Variants in TMEM132D observed in about 807,000 individuals in gnomAD.
TMEM132D encodes the protein mature OL transmembrane protein.
In TMEM132D, 21 loss-of-function variants were observed where a neutral mutation model predicts 62.3. That is an observed-to-expected ratio of 0.34 (90% confidence interval 0.24 to 0.49). The LOEUF (loss-of-function observed/expected upper bound fraction) is 0.49. Among genes scored for constraint, TMEM132D ranks in the 20% least tolerant of loss-of-function variants. The probability of loss-of-function intolerance (pLI) is 0.99; values close to 1 mark genes in which losing one functional copy is unlikely to be tolerated. For missense variants in TMEM132D, 1,346 were observed against 1,402.8 expected, an observed-to-expected ratio of 0.96 and a Z score of 0.65; for synonymous variants, 621 against 575.6, an observed-to-expected ratio of 1.08 and a Z score of -1.13.
intron 1 of TMEM132D, among the ~76,000 whole-genome samples, chr12:129,730,073 C>A (rs1313027873): frequency 6.6e-6 from 1 of 152,196 alleles, no homozygotes; most frequent in African/African-American, 2.4e-5. Flanking sequence ...CCCACTTGCA[C>A]CCAAGTGAAT....
At chr12:129,613,905 G>C (rs1041723687) in intron 2 of TMEM132D, among the ~76,000 whole-genome samples, 28 of 151,950 alleles carry the variant, frequency 1.8e-4, no homozygotes, top group Admixed American at 5.2e-4. Context: ...CCAGGAGACT[G>C]GCTCCAGAAC....
chr12:129,288,857 A>C (rs907478023), intron 4 of TMEM132D, among the ~76,000 whole-genome samples: 3 of 152,244 alleles, frequency 2.0e-5, no homozygotes, highest in African/African-American at 7.2e-5. Context: ...GAGTAGATGA[A>C]GAAAGATTAG....
intron 3 of TMEM132D, among the ~76,000 whole-genome samples, chr12:129,520,589 T>C (rs1371027047): frequency 7.1e-6 from 1 of 141,748 alleles, no homozygotes; most frequent in Non-Finnish European, 1.6e-5. Flanking sequence ...CGATAAATAT[T>C]GTGAAAAGAT....
chr12:129,293,687 C>A (rs926551446), intron 4 of TMEM132D, among the ~76,000 whole-genome samples: 3 of 152,160 alleles, frequency 2.0e-5, no homozygotes, highest in African/African-American at 7.2e-5. Flanking sequence ...AGCGTGCAAC[C>A]TAGATCCCTC....
intron 1 of TMEM132D, among the ~76,000 whole-genome samples, chr12:129,730,836 T>C (rs1869210603): frequency 6.6e-6 from 1 of 151,876 alleles, no homozygotes; most frequent in Non-Finnish European, 1.5e-5. Context: ...AACATCAGAC[T>C]CCAAGTTCTT....
intron 5 of TMEM132D, among the ~76,000 whole-genome samples, chr12:129,107,487 G>T (rs1485705103): frequency 6.6e-6 from 1 of 152,242 alleles, no homozygotes; most frequent in Non-Finnish European, 1.5e-5. Context: ...CAGATTGAAT[G>T]CAGGTTGACA....
chr12:129,769,464 C>T (rs1870657963), intron 1 of TMEM132D, among the ~76,000 whole-genome samples: 1 of 152,190 alleles, frequency 6.6e-6, no homozygotes, highest in African/African-American at 2.4e-5. Context: ...CCTGGTCCCT[C>T]TCATGACACG....
At chr12:129,578,408 A>ATGTGTGTGTGTGTGTG (rs143488724) in intron 2 of TMEM132D, among the ~76,000 whole-genome samples, 2,071 of 144,720 alleles carry the variant, frequency 0.014, 26 homozygotes, top group African/African-American at 0.031. Flanking sequence ...TAATACAATT[A>ATGTGTGTGTGTGTGTG]TGTGTGTGTG....
intron 5 of TMEM132D, among the ~76,000 whole-genome samples, chr12:129,125,466 G>A (rs953890669): frequency 6.9e-6 from 1 of 145,100 alleles, no homozygotes; most frequent in East Asian, 2.0e-4. Flanking sequence ...ATAAAAATAT[G>A]TTTAGGTGAT....
intron 1 of TMEM132D, among the ~76,000 whole-genome samples, chr12:129,737,576 C>T (rs1388707213): frequency 2.0e-5 from 3 of 152,136 alleles, no homozygotes; most frequent in Non-Finnish European, 4.4e-5. Flanking sequence ...CCTATTGTCT[C>T]ACCACAACTG....
chr12:129,331,306 G>A (rs1309273532), intron 4 of TMEM132D, among the ~76,000 whole-genome samples: 2 of 152,170 alleles, frequency 1.3e-5, no homozygotes, highest in South Asian at 4.1e-4. Context: ...TTTGGCAGAT[G>A]CGTCTGTATG....
chr12:129,247,710 T>G (rs1880157843), intron 4 of TMEM132D, among the ~76,000 whole-genome samples: 1 of 152,190 alleles, frequency 6.6e-6, no homozygotes, highest in Admixed American at 6.5e-5. Flanking sequence ...CCTTTCCCTT[T>G]GTAATGTTAA....
At chr12:129,388,884 T>C (rs868393163) in intron 3 of TMEM132D, among the ~76,000 whole-genome samples, 10 of 79,318 alleles carry the variant, frequency 1.3e-4, no homozygotes, top group East Asian at 3.5e-4. Context: ...ATATTAACAC[T>C]AACATGAATC....
At chr12:129,711,772 G>T (rs1234239387) in intron 1 of TMEM132D, among the ~76,000 whole-genome samples, 1 of 147,496 alleles carries the variant, frequency 6.8e-6, no homozygotes. Context: ...AAGGATGTGG[G>T]ATTATTATAT....
chr12:129,900,969 A>C (rs1875333706), intron 1 of TMEM132D, among the ~76,000 whole-genome samples: 1 of 152,138 alleles, frequency 6.6e-6, no homozygotes, highest in East Asian at 1.9e-4. Context: ...ATAACTAATC[A>C]TTTTCTGCTT....
chr12:129,415,978 A>G (rs1369842334), intron 3 of TMEM132D, among the ~76,000 whole-genome samples: 1 of 152,156 alleles, frequency 6.6e-6, no homozygotes, highest in Non-Finnish European at 1.5e-5. Flanking sequence ...CCCCTTCTGT[A>G]CTGAGGTGCA....
At chr12:129,826,115 C>A (rs772391984) in intron 1 of TMEM132D, among the ~76,000 whole-genome samples, 1 of 152,140 alleles carries the variant, frequency 6.6e-6, no homozygotes, top group Non-Finnish European at 1.5e-5. Flanking sequence ...GGTCCTGAGA[C>A]TTGCTGCATC....
At chr12:129,349,953 C>T (rs376392399) in intron 3 of TMEM132D, among the ~76,000 whole-genome samples, 6 of 152,096 alleles carry the variant, frequency 3.9e-5, no homozygotes, top group South Asian at 2.1e-4. Context: ...GGTCAGTCTT[C>T]GGGGAAAGTA....
At chr12:129,346,180 T>C (rs1566040205) in intron 3 of TMEM132D, among the ~76,000 whole-genome samples, 1 of 152,220 alleles carries the variant, frequency 6.6e-6, no homozygotes, top group Non-Finnish European at 1.5e-5. Context: ...GGTGTGTTTG[T>C]CTAGGAATTT....
Sources: allele counts gnomAD v4.1 joint callset (sites outside exome capture counted in the v4.1 genomes callset), GRCh38; gene constraint gnomAD v4.1.1; transcripts MANE v1.5; gene names NCBI Gene and HGNC (gene_info 2026-07-23, HGNC 2026-07-21).